Variants in TMEM234 observed in about 807,000 individuals in gnomAD.
TMEM234 encodes the protein transmembrane protein 234, also known as chromosome 1 open reading frame 91.
TMEM234 carries 21 observed loss-of-function variants against 17.8 expected under a neutral mutation model. That is an observed-to-expected ratio of 1.18 (90% CI 0.84 to 1.70). The LOEUF (loss-of-function observed/expected upper bound fraction) is 1.70. Ranked by LOEUF, TMEM234 falls within the 40% of genes most tolerant of loss-of-function variation. The probability of loss-of-function intolerance (pLI) is 0.00; values close to 1 mark genes in which losing one functional copy is unlikely to be tolerated. For missense variants in TMEM234, 137 were observed against 166.9 expected, an observed-to-expected ratio of 0.82 and a Z score of 0.99; for synonymous variants, 83 against 73.5, an observed-to-expected ratio of 1.13 and a Z score of -0.66.
rs1638405146 is a variant in TMEM234 at position 32,216,585 on chromosome 1, AG to A, written c.*267del. ...TGGGCTGGGAGCCTGAGATGTTAGCAGGAAGAGAGCTGCTGGGGCAGAAAGG... is the reference window on the plus strand; with the variant it reads ...TGGGCTGGGAGCCTGAGATGTTAGCAGAAGAGAGCTGCTGGGGCAGAAAGG... On this transcript the variant is annotated 3_prime_UTR_variant, in exon 5 of 5. Transcript: ENST00000309777. 1.9e-6 allele frequency: 3 copies of A among 1,543,600 alleles called. No homozygotes were observed. The South Asian group carries it at 3.6e-5, about 18-fold the overall frequency.
At position 32,216,951 on chromosome 1, in the gene TMEM234, G is replaced by A. The variant is rs1157537361; in HGVS notation, c.329-4C>T. The stretch of plus-strand genomic sequence containing the variant: ...AGCACCATGCCAGCAACTGCTCCTG[G>A]GATAATAGGCAGAAATCAGGAGGGT... On this transcript the variant is annotated splice_region_variant and splice_polypyrimidine_tract_variant and intron_variant, in intron 4 of 4. Transcript: ENST00000309777. The A allele has an allele frequency of 6.2e-7, 1 of 1,614,158 alleles. No individual in the cohort carries two copies. The highest frequency in any genetic ancestry group is 1.3e-5 in the African/African-American group (1 of 75,042).
In TMEM234 at chr1:32,222,326, A is replaced by G; in HGVS notation, c.-4T>C. The G allele has an allele frequency of 6.4e-7, 1 of 1,561,914 alleles. No homozygotes were observed. The highest frequency in any genetic ancestry group is 1.2e-5 in the South Asian group (1 of 84,544). ...ACCTACCCAGAGACGCCGCCATGGC[A>G]ACGCCGCTGTCTTCTACTTCCGGGA... is the stretch of plus-strand genomic sequence containing the variant. On this transcript the variant is annotated 5_prime_UTR_variant, in exon 1 of 5. Transcript: ENST00000309777.
rs116269562 is a variant in TMEM234, at chr1:32,221,222, C to T, written c.169-25G>A. ...ACTGGAAAGAGGAGAAACCTGCAGT[C>T]AGTGTGATGGCCTGACTGAGCAGCA... On this transcript the variant is annotated intron_variant, in intron 2 of 4. Transcript: ENST00000309777. The T allele has an allele frequency of 4.8e-4, 765 of 1,589,996 alleles. 3 individuals are homozygous for T. The African/African-American group carries it at 9.7e-3, about 20-fold the overall frequency.
At chr1:32,217,908 T>C (rs1228879379) in intron 3 of TMEM234, among the ~76,000 whole-genome samples, 1 of 152,218 alleles carries the variant, frequency 6.6e-6, no homozygotes, top group Non-Finnish European at 1.5e-5. Flanking sequence ...ACTGTGGATA[T>C]AGACAGAGCA....
downstream of TMEM234, chr1:32,215,958 C>T (rs1638349079): frequency 7.3e-7 from 1 of 1,376,554 alleles, no homozygotes; most frequent in Non-Finnish European, 1.0e-6. Context: ...TGTCCTTAGC[C>T]TCCAGCAGCT....
In TMEM234 at chr1:32,221,954, C is replaced by T. The variant is rs1448104309; in HGVS notation, c.81G>A (p.Arg27=). ...GAACCCGCTGCAGGCCGGCGGAGGCCCGCTTCAGCAGCGGCTGCGTGCCAC... is the reference window on the plus strand; with the variant it reads ...GAACCCGCTGCAGGCCGGCGGAGGCTCGCTTCAGCAGCGGCTGCGTGCCAC... ...LWGGTQPLLK[R]ASAGLQRVHE... is the part of the protein sequence containing the mutation. The change falls in exon 2 of 5, where the codon CGG becomes CGA. Residue 27 remains arginine (R), a synonymous_variant. Coordinates refer to ENST00000309777, the MANE Select transcript of TMEM234 (RefSeq NM_019118.5). 1 of 1,612,960 alleles carries T rather than the reference C, an allele frequency of 6.2e-7. No individual in the cohort carries two copies. The highest frequency in any genetic ancestry group is 1.3e-5 in the African/African-American group (1 of 75,060).
intron 2 of TMEM234, among the ~76,000 whole-genome samples, 169 bp downstream of exon 2, chr1:32,221,695 GTTA>G (rs1466683351): frequency 2.0e-5 from 3 of 152,306 alleles, no homozygotes; most frequent in South Asian, 4.1e-4. Flanking sequence ...CTATCAGATG[GTTA>G]TTATTATAAT....
At position 32,216,718 on chromosome 1, in the gene TMEM234, G is replaced by GT. The variant is rs1638418667; in HGVS notation, c.*134dup. 3 of 1,502,042 alleles carry GT rather than the reference G, an allele frequency of 2.0e-6. No homozygotes were observed. The East Asian group carries it at 7.4e-5, about 37-fold the overall frequency. The allele number at this position is 1,502,042 out of a possible 1,614,324, so 93.0% of individuals were successfully genotyped here. On this transcript the variant is annotated 3_prime_UTR_variant, in exon 5 of 5. Coordinates refer to ENST00000309777, the MANE Select transcript of TMEM234 (RefSeq NM_019118.5). ...TTGTTCTCTTATTGTGATCCATGAG[G>GT]TAGCTGTTATCCCCATAAGAGAGGA...
chr1:32,218,173 C>G (rs977683938), intron 3 of TMEM234, among the ~76,000 whole-genome samples: 5 of 152,204 alleles, frequency 3.3e-5, no homozygotes, highest in Non-Finnish European at 7.3e-5. Flanking sequence ...GCCTGTAATC[C>G]CAGCACTTTG....
chr1:32,221,636 G>A (rs1247759977), intron 2 of TMEM234, among the ~76,000 whole-genome samples: 1 of 152,180 alleles, frequency 6.6e-6, no homozygotes, highest in Non-Finnish European at 1.5e-5. Context: ...CTATGTTCTA[G>A]GCCTAATGCT....
chr1:32,220,992 G>A (rs1638848619), intron 3 of TMEM234, 139 bp downstream of exon 3: 3 of 662,478 alleles, frequency 4.5e-6, no homozygotes, highest in South Asian at 3.6e-5. Context: ...CAGAGAAGAG[G>A]ATAGTAAGAG....
In TMEM234 at chr1:32,216,242, G is replaced by A. The variant is rs1259803949; in HGVS notation, c.*611C>T. ...TATTGACAGCTACTACTCGCCAGGT[G>A]TGCTGGAGTCAGGTGGGGCTGGGGC... On this transcript the variant is annotated 3_prime_UTR_variant, in exon 5 of 5. Transcript: ENST00000309777. The A allele has an allele frequency of 2.3e-6, 3 of 1,304,174 alleles. No homozygotes were observed. Among genetic ancestry groups the A allele is most frequent in the Non-Finnish European group, 3.1e-6 (3 of 968,418 alleles). The allele number at this position is 1,304,174 out of a possible 1,614,324, so 80.8% of individuals were successfully genotyped here.
Position 32,217,104 on chromosome 1 carries a change from G to A in TMEM234, c.328+155C>T, listed in dbSNP as rs1371787190. ...CTGTCCAGGGGAAGGGAACTCTGAT[G>A]GCCACAAGGAAGCAAAACAGCTGCA... On this transcript the variant is annotated intron_variant, in intron 4 of 4. Transcript: ENST00000309777. 4 of 1,566,696 alleles carry A rather than the reference G, an allele frequency of 2.6e-6. No homozygotes were observed. In the Admixed American group the frequency reaches 5.8e-5, roughly 23 times the overall value.
At position 32,222,037 on chromosome 1, in the gene TMEM234, G is replaced by C. The variant is rs779316540; in HGVS notation, c.17-19C>G. The C allele has an allele frequency of 1.9e-6, 3 of 1,600,902 alleles. No homozygotes were observed. In the Admixed American group the frequency reaches 5.1e-5, roughly 27 times the overall value. Reference sequence around the variant, plus strand: ...ACCTGCCCTGAATGCAGACGAGTGAGTCACCCTGACCCCCACCCCAAACGG... The same window carrying C: ...ACCTGCCCTGAATGCAGACGAGTGACTCACCCTGACCCCCACCCCAAACGG... On this transcript the variant is annotated intron_variant, in intron 1 of 4. Coordinates refer to ENST00000309777, the MANE Select transcript of TMEM234 (RefSeq NM_019118.5).
At chr1:32,222,047 C>T in intron 1 of TMEM234, 29 bp from the exon 2 acceptor site, 1 of 1,579,110 alleles carries the variant, frequency 6.3e-7, no homozygotes, top group Non-Finnish European at 8.6e-7. Flanking sequence ...GTCACCCTGA[C>T]CCCCACCCCA....
At chr1:32,222,238 A>C in intron 1 of TMEM234, 69 bp downstream of exon 1, 2 of 1,525,818 alleles carry the variant, frequency 1.3e-6, no homozygotes, top group Non-Finnish European at 8.8e-7. Context: ...TAGAGGGTGG[A>C]TGTGGAGCAG....
Position 32,216,733 on chromosome 1 carries a change from A to T in TMEM234, c.*120T>A. 3 of 1,517,080 alleles carry T rather than the reference A, an allele frequency of 2.0e-6. No homozygotes were observed. The South Asian group carries it at 3.8e-5, about 19-fold the overall frequency. 94.0% of individuals were successfully genotyped at this position (1,517,080 alleles called of 1,614,324 possible). A position where few individuals can be genotyped will look rare whatever the true frequency, so the allele number is the denominator to read the frequency against. On this transcript the variant is annotated 3_prime_UTR_variant, in exon 5 of 5. Coordinates refer to ENST00000309777, the MANE Select transcript of TMEM234 (RefSeq NM_019118.5). ...GATCCATGAGGTAGCTGTTATCCCC[A>T]TAAGAGAGGAGGAAGCTAAGGCCAG...
chr1:32,221,819 T>C (rs777532462), intron 2 of TMEM234, 48 bp downstream of exon 2: 1 of 1,606,830 alleles, frequency 6.2e-7, no homozygotes, highest in Admixed American at 1.7e-5. Flanking sequence ...AAAGACCAAA[T>C]TCTTGGCGGC....
At chr1:32,217,703 AC>A in intron 3 of TMEM234, 1 of 424,568 alleles carries the variant, frequency 2.4e-6, no homozygotes, top group Non-Finnish European at 4.5e-6. Context: ...AACACCAAGC[AC>A]AGCCACCATT....
Sources: gnomAD v4.1 joint callset for allele counts (sites outside exome capture counted in the v4.1 genomes callset) on GRCh38, gnomAD v4.1.1 for gene constraint, MANE v1.5 for transcripts, NCBI Gene and HGNC (gene_info 2026-07-23, HGNC 2026-07-21) for gene names.